The following IL1RAPL1 variants were observed in gnomAD, a reference collection of about 807,000 sequenced individuals.
The protein encoded by IL1RAPL1 is interleukin-1 receptor accessory protein-like 1.
Under a neutral mutation model 48.4 loss-of-function variants are expected in IL1RAPL1, and 3 were observed. That is an observed-to-expected ratio of 0.06 (90% CI 0.03 to 0.16). The LOEUF (loss-of-function observed/expected upper bound fraction) is 0.16. IL1RAPL1 is among the 10% of genes least tolerant of loss of function. The pLI, the probability that IL1RAPL1 is intolerant of heterozygous loss-of-function variation, is 1.00. For missense variants in IL1RAPL1, 349 were observed against 530.6 expected (o/e 0.66, Z 3.36); for synonymous variants, 185 against 187.7 (o/e 0.99, Z 0.12).
intron 5 of IL1RAPL1, among the ~76,000 whole-genome samples, chrX:29,583,323 C>A (rs1484771810): frequency 2.4e-5 from 1 of 40,846 alleles, no homozygotes; most frequent in Admixed American, 3.2e-4. Context: ...AAAACCCCAT[C>A]GTCTCAGCCC....
chrX:29,087,654 A>G (rs903185649), intron 2 of IL1RAPL1, among the ~76,000 whole-genome samples: 1 of 112,360 alleles, frequency 8.9e-6, no homozygotes, highest in Non-Finnish European at 1.9e-5. Flanking sequence ...AAACATCACA[A>G]TGTTTCAATA....
chrX:28,599,944 C>T (rs753683768), intron 1 of IL1RAPL1, among the ~76,000 whole-genome samples: 2 of 111,969 alleles, frequency 1.8e-5, no homozygotes, highest in South Asian at 7.5e-4. Flanking sequence ...TTGGGGCTTT[C>T]TGTTTTCACG....
At chrX:28,939,415 G>A (rs963059291) in intron 2 of IL1RAPL1, among the ~76,000 whole-genome samples, 1 of 110,985 alleles carries the variant, frequency 9.0e-6, no homozygotes, top group Admixed American at 9.7e-5. Context: ...ATTATCCTTA[G>A]CAAGCTAACA....
intron 1 of IL1RAPL1, among the ~76,000 whole-genome samples, chrX:28,705,789 C>G (rs919139806): frequency 8.9e-6 from 1 of 111,852 alleles, no homozygotes; most frequent in African/African-American, 3.3e-5. Context: ...AAAGGCCCAA[C>G]ATGGACCACT....
At chrX:28,596,586 C>A (rs985768049) in intron 1 of IL1RAPL1, among the ~76,000 whole-genome samples, 2 of 111,050 alleles carry the variant, frequency 1.8e-5, no homozygotes, top group Non-Finnish European at 3.8e-5. Context: ...GGGATTGGTT[C>A]CAGGACCCCT....
chrX:29,531,061 T>C (rs935161823), intron 5 of IL1RAPL1, among the ~76,000 whole-genome samples: 5 of 112,197 alleles, frequency 4.5e-5, no homozygotes, highest in South Asian at 3.7e-4. Context: ...ATAGTTACTA[T>C]TACTTTTCAC....
chrX:29,274,775 G>A (rs1434736530), intron 2 of IL1RAPL1, among the ~76,000 whole-genome samples: 2 of 111,107 alleles, frequency 1.8e-5, no homozygotes, highest in South Asian at 3.8e-4. Flanking sequence ...CTTATCTCTC[G>A]CCTTGAATCT....
At chrX:29,186,273 T>C (rs778954565) in intron 2 of IL1RAPL1, among the ~76,000 whole-genome samples, 4 of 111,976 alleles carry the variant, frequency 3.6e-5, no homozygotes, top group African/African-American at 1.3e-4. Flanking sequence ...AATGATGTAA[T>C]TGGCCTCATA....
At chrX:29,213,583 C>A (rs1483817162) in intron 2 of IL1RAPL1, among the ~76,000 whole-genome samples, 1 of 112,233 alleles carries the variant, frequency 8.9e-6, no homozygotes, top group African/African-American at 3.2e-5. Context: ...CTCCTGTGTC[C>A]TCTCTAACCT....
intron 2 of IL1RAPL1, among the ~76,000 whole-genome samples, chrX:28,825,482 T>A (rs1005585759): frequency 1.8e-5 from 2 of 111,426 alleles, no homozygotes; most frequent in African/African-American, 6.5e-5. Flanking sequence ...TTGGAATATG[T>A]CATTTTCAGT....
chrX:29,668,309 T>G, intron 5 of IL1RAPL1, 121 bp from the exon 6 acceptor site: 1 of 594,970 alleles, frequency 1.7e-6, no homozygotes, highest in Admixed American at 2.7e-5. Context: ...CGTTACTTGG[T>G]AGAGCACTTT....
At chrX:29,181,746 A>G (rs2147520958) in intron 2 of IL1RAPL1, among the ~76,000 whole-genome samples, 1 of 112,202 alleles carries the variant, frequency 8.9e-6, no homozygotes, top group East Asian at 2.8e-4. Flanking sequence ...TATAACTGCT[A>G]ATTCAACTTT....
chrX:29,842,511 G>A (rs948201073), intron 6 of IL1RAPL1, among the ~76,000 whole-genome samples: 8 of 112,455 alleles, frequency 7.1e-5, no homozygotes, highest in African/African-American at 2.6e-4. Flanking sequence ...TCACACTCCT[G>A]AGGCCTGACA....
intron 1 of IL1RAPL1, among the ~76,000 whole-genome samples, chrX:28,782,491 C>T (rs1375438944): frequency 8.9e-6 from 1 of 111,902 alleles, no homozygotes; most frequent in African/African-American, 3.2e-5. Flanking sequence ...CTAATATTTA[C>T]AGTCACTGCC....
chrX:29,674,299 G>A (rs1162559394), intron 6 of IL1RAPL1, among the ~76,000 whole-genome samples: 3 of 111,267 alleles, frequency 2.7e-5, no homozygotes, highest in Non-Finnish European at 5.7e-5. Context: ...GTTGGCATGC[G>A]CCTGTAGTCC....
At chrX:29,451,776 T>C (rs191733205) in intron 5 of IL1RAPL1, among the ~76,000 whole-genome samples, 30 of 112,144 alleles carry the variant, frequency 2.7e-4, no homozygotes, top group African/African-American at 9.4e-4. Context: ...GTTCTCATTT[T>C]TGTTTGTCAT....
At chrX:28,622,100 A>T (rs765713367) in intron 1 of IL1RAPL1, among the ~76,000 whole-genome samples, 22 of 111,687 alleles carry the variant, frequency 2.0e-4, no homozygotes, top group Non-Finnish European at 3.8e-4. Context: ...CTATAAGAAT[A>T]CTAAACCTAG....
chrX:29,745,699 G>A (rs772596189), intron 6 of IL1RAPL1, among the ~76,000 whole-genome samples: 6 of 109,625 alleles, frequency 5.5e-5, no homozygotes, highest in East Asian at 2.9e-4. Context: ...CACCCACCTC[G>A]GCCTCCCAAA....
intron 6 of IL1RAPL1, among the ~76,000 whole-genome samples, chrX:29,771,932 G>GA (rs1428996711): frequency 6.3e-5 from 7 of 111,346 alleles, no homozygotes; most frequent in Non-Finnish European, 1.3e-4. Flanking sequence ...GCAGGCAAGA[G>GA]AGAGTATGTG....
Sources: gnomAD v4.1 joint callset for allele counts (sites outside exome capture counted in the v4.1 genomes callset) on GRCh38, gnomAD v4.1.1 for gene constraint, MANE v1.5 for transcripts, NCBI Gene and HGNC (gene_info 2026-07-23, HGNC 2026-07-21) for gene names.